FAT3: variants seen among roughly 807,000 people sequenced by gnomAD.
FAT3 encodes the protein FAT atypical cadherin 3.
A neutral mutation model predicts 310.2 loss-of-function variants in FAT3; 95 were observed. The ratio of observed to expected loss-of-function variants is 0.31; its 90% confidence interval spans 0.26 to 0.36. The LOEUF (loss-of-function observed/expected upper bound fraction) is 0.36. FAT3 is among the 10% of genes least tolerant of loss of function. The pLI is 1.00. For missense variants in FAT3, 5,408 were observed against 5,715.6 expected (o/e 0.95, Z 1.74); for synonymous variants, 2,314 against 2,192.9 (o/e 1.06, Z -1.54).
At chr11:92,623,847 G>A (rs1057148028) in intron 3 of FAT3, among the ~76,000 whole-genome samples, 4 of 152,098 alleles carry the variant, frequency 2.6e-5, no homozygotes, top group South Asian at 4.2e-4. Context: ...GGAGGCTGAG[G>A]CAGGAGAATG....
chr11:92,728,645 G>A (rs940017773), intron 4 of FAT3, among the ~76,000 whole-genome samples: 5 of 152,088 alleles, frequency 3.3e-5, no homozygotes, highest in African/African-American at 9.7e-5. Flanking sequence ...GAAGTTCAAC[G>A]TCAATTTCAG....
intron 2 of FAT3, among the ~76,000 whole-genome samples, chr11:92,360,359 A>G (rs1390108361): frequency 6.6e-6 from 1 of 152,242 alleles, no homozygotes; most frequent in Non-Finnish European, 1.5e-5. Context: ...ATGTTTAATA[A>G]TGTTCACAGT....
chr11:92,663,143 A>G (rs757340554), intron 3 of FAT3, among the ~76,000 whole-genome samples: 1 of 152,228 alleles, frequency 6.6e-6, no homozygotes, highest in Non-Finnish European at 1.5e-5. Context: ...AGGCCAAGCT[A>G]GTTGAAACCT....
chr11:92,606,892 G>A (rs1228351911), intron 3 of FAT3, among the ~76,000 whole-genome samples: 4 of 152,132 alleles, frequency 2.6e-5, no homozygotes, highest in African/African-American at 9.7e-5. Flanking sequence ...CCCACTATGG[G>A]TCCCCTGCCC....
chr11:92,840,415 G>A (rs748503405), intron 17 of FAT3, 147 bp from the exon 18 acceptor site: 2 of 662,600 alleles, frequency 3.0e-6, no homozygotes, highest in Non-Finnish European at 4.9e-6. Context: ...ATGTCACAGG[G>A]AATCCCTTCT....
intron 6 of FAT3, among the ~76,000 whole-genome samples, chr11:92,768,669 A>T (rs1946383336): frequency 6.6e-6 from 1 of 152,210 alleles, no homozygotes. Flanking sequence ...CCAAGCTAAC[A>T]TACAGAGGAA....
intron 1 of FAT3, among the ~76,000 whole-genome samples, chr11:92,263,251 T>C (rs1865630999): frequency 2.0e-5 from 3 of 151,920 alleles, no homozygotes; most frequent in African/African-American, 7.3e-5. Flanking sequence ...GATTCACTTA[T>C]TCTGGTTTTC....
rs77231764 is a variant in FAT3, at chr11:92,326,183, A to G, written c.-17-25913A>G. ...GAAGCTTCAGTTTACCTATCTGCTG[A>G]AATGTGAAAAGTGGCTAATTAAACC... On this transcript the variant is annotated intron_variant, in intron 1 of 27. Transcript: ENST00000525166. Among the ~76,000 whole-genome samples, 1,059 of 152,334 alleles carry G rather than the reference A, an allele frequency of 7.0e-3. 9 individuals carry two copies. The highest frequency in any genetic ancestry group is 0.012 in the Non-Finnish European group (825 of 68,032).
intron 22 of FAT3, among the ~76,000 whole-genome samples, chr11:92,871,766 T>C (rs1027988528): frequency 1.3e-5 from 2 of 149,706 alleles, no homozygotes; most frequent in South Asian, 2.3e-4. Context: ...AGAATCTGAA[T>C]TGGCAAGAGT....
At chr11:92,584,026 G>T (rs1938992727) in intron 3 of FAT3, among the ~76,000 whole-genome samples, 1 of 151,988 alleles carries the variant, frequency 6.6e-6, no homozygotes, top group African/African-American at 2.4e-5. Context: ...CTTTCCGGGT[G>T]ACCTCAGGCA....
intron 3 of FAT3, among the ~76,000 whole-genome samples, chr11:92,527,778 T>G (rs1286797471): frequency 1.3e-5 from 2 of 152,088 alleles, no homozygotes; most frequent in Non-Finnish European, 2.9e-5. Flanking sequence ...CAATATAACA[T>G]TTTTCAGTAA....
chr11:92,304,861 A>C lies in FAT3; in HGVS notation c.-17-47235A>C, dbSNP rs569953050. Among the ~76,000 whole-genome samples, 3 of 152,222 alleles carry C rather than the reference A, an allele frequency of 2.0e-5. No homozygotes were observed. In the East Asian group the frequency reaches 5.8e-4, roughly 30 times the overall value. On this transcript the variant is annotated intron_variant, in intron 1 of 27. Coordinates refer to ENST00000525166, the MANE Select transcript of FAT3 (RefSeq NM_001367949.2). ...TCCTATGGGTCCTTTTGGGAGGGAC[A>C]GTTGCATCATGCTGGGTGAGGATGA...
chr11:92,890,108 C>T (rs1343908587), intron 27 of FAT3, among the ~76,000 whole-genome samples: 1 of 152,186 alleles, frequency 6.6e-6, no homozygotes, highest in Non-Finnish European at 1.5e-5. Flanking sequence ...CGCCTTCCTG[C>T]CTCCTGTGGT....
In FAT3 at chr11:92,304,005, A is replaced by G. The variant is rs145316092; in HGVS notation, c.-17-48091A>G. Among the ~76,000 whole-genome samples the G allele has an allele frequency of 8.8e-3, 1,337 of 152,258 alleles. 16 individuals carry two copies. The highest frequency in any genetic ancestry group is 0.03 in the African/African-American group (1,257 of 41,556). ...ACAACATATTCTGTTTGATATTTTA[A>G]CGGTTTGAAAAAGGAGTTTTAGAAT... is the stretch of plus-strand genomic sequence containing the variant. On this transcript the variant is annotated intron_variant, in intron 1 of 27. Coordinates refer to ENST00000525166, the MANE Select transcript of FAT3 (RefSeq NM_001367949.2).
intron 2 of FAT3, among the ~76,000 whole-genome samples, chr11:92,355,818 C>T (rs1356789994): frequency 1.3e-5 from 2 of 152,194 alleles, no homozygotes; most frequent in Non-Finnish European, 2.9e-5. Context: ...ATATAGGAAT[C>T]TTTCCCTTTA....
chr11:92,418,946 T>G (rs1187486102), intron 2 of FAT3, among the ~76,000 whole-genome samples: 1 of 152,130 alleles, frequency 6.6e-6, no homozygotes. Flanking sequence ...AGAGAAAACA[T>G]TTTTATAGTA....
rs1165066379 is a variant in FAT3, at chr11:92,800,674, C to T, written c.7661C>T (p.Thr2554Ile). The T allele has an allele frequency of 1.2e-6, 2 of 1,613,666 alleles. No individual in the cohort carries two copies. Among genetic ancestry groups the T allele is most frequent in the Non-Finnish European group, 1.7e-6 (2 of 1,179,840 alleles). ...ATAGACAGCAATGGGCAGGTCATCACCACAGAAAGGCTAGACCGGGAAAAC... is the reference window on the plus strand; with the variant it reads ...ATAGACAGCAATGGGCAGGTCATCATCACAGAAAGGCTAGACCGGGAAAAC... ...FLIDSNGQVI[T>I]TERLDRENPL... The change falls in exon 10 of 28, where the codon ACC (threonine) becomes ATC (isoleucine). Residue 2554 changes from threonine (T) to isoleucine (I), a missense_variant. By Grantham distance (89) the Thr-to-Ile change is moderately conservative. Coordinates refer to ENST00000525166, the MANE Select transcript of FAT3 (RefSeq NM_001367949.2).
chr11:92,355,250 T>C lies in FAT3; in HGVS notation c.3138T>C (p.Phe1046=), dbSNP rs932343566. 2.5e-6 allele frequency: 4 copies of C among 1,613,686 alleles called. No homozygotes were observed. In the African/African-American group the frequency reaches 4.0e-5, roughly 16 times the overall value. Reference sequence around the variant, plus strand: ...TCCACACTCCCTATTTCCCAGACTTTGCTGTTGTTGGATCTGTAAAGGAAA... The same window carrying C: ...TCCACACTCCCTATTTCCCAGACTTCGCTGTTGTTGGATCTGTAAAGGAAA... ...ENLHTPYFPD[F]AVVGSVKENS... The change falls in exon 2 of 28, where the codon TTT becomes TTC. Residue 1046 remains phenylalanine, a synonymous_variant. Transcript: ENST00000525166.
intron 4 of FAT3, among the ~76,000 whole-genome samples, chr11:92,703,412 A>C (rs897228841): frequency 1.6e-4 from 24 of 152,198 alleles, no homozygotes; most frequent in African/African-American, 7.2e-5. Context: ...CTTCTTAGGC[A>C]TCTCTTTCTG....
Sources: allele counts gnomAD v4.1 joint callset (sites outside exome capture counted in the v4.1 genomes callset), GRCh38; gene constraint gnomAD v4.1.1; transcripts MANE v1.5; gene names NCBI Gene and HGNC (gene_info 2026-07-23, HGNC 2026-07-21).